The following ZC3HC1 variants were observed in gnomAD, a reference collection of about 807,000 sequenced individuals.
ZC3HC1 encodes zinc finger C3HC-type containing 1.
In ZC3HC1, 38 loss-of-function variants were observed where a neutral mutation model predicts 61.9. The observed-to-expected ratio is 0.61, with a 90% confidence interval of 0.47 to 0.81. The LOEUF (loss-of-function observed/expected upper bound fraction) is 0.81. ZC3HC1 is among the 30% of genes least tolerant of loss of function. The pLI, the probability that ZC3HC1 is intolerant of heterozygous loss-of-function variation, is 0.00. For missense variants in ZC3HC1, 554 were observed against 622.7 expected, an observed-to-expected ratio of 0.89 and a Z score of 1.17; for synonymous variants, 213 against 229.9, an observed-to-expected ratio of 0.93 and a Z score of 0.67.
intron 2 of ZC3HC1, among the ~76,000 whole-genome samples, chr7:130,046,717 G>A (rs541268137): frequency 6.6e-6 from 1 of 152,242 alleles, no homozygotes; most frequent in Admixed American, 6.5e-5. Context: ...ATGACATAAC[G>A]TTTAATGTCT....
intron 9 of ZC3HC1, among the ~76,000 whole-genome samples, chr7:130,019,102 G>A (rs10277907): frequency 0.23 from 33,590 of 147,380 alleles, 3,967 homozygotes; most frequent in Non-Finnish European, 0.25. Context: ...CACCCAGGCT[G>A]GAGTGCAGTG....
Position 130,024,464 on chromosome 7 carries a change from C to G in ZC3HC1, c.819G>C (p.Ser273=). Reference sequence around the variant, plus strand: ...AGAGCCCCACCTTCCTCATACATTGCGAACATGTTATCAGGGAGAGCTGCA... The same window carrying G: ...AGAGCCCCACCTTCCTCATACATTGGGAACATGTTATCAGGGAGAGCTGCA... ...ESMQLSLITC[S]QCMRKVGLWG... Residue 273 remains serine (S), a synonymous_variant, in exon 7 of 10, where the codon TCG becomes TCC. Coordinates refer to ENST00000358303, the MANE Select transcript of ZC3HC1 (RefSeq NM_016478.5). 1 of 1,613,830 alleles carries G rather than the reference C, an allele frequency of 6.2e-7. No homozygotes were observed. The highest frequency in any genetic ancestry group is 8.5e-7 in the Non-Finnish European group (1 of 1,179,874).
intron 4 of ZC3HC1, among the ~76,000 whole-genome samples, chr7:130,038,859 CA>C (rs368582060): frequency 0.056 from 4,850 of 86,522 alleles, 102 homozygotes; most frequent in African/African-American, 0.15. Context: ...GGCTCTGTCT[CA>C]AAAAAAAAAA....
chr7:130,047,257 G>A (rs867089004), intron 2 of ZC3HC1, among the ~76,000 whole-genome samples: 2 of 151,984 alleles, frequency 1.3e-5, no homozygotes, highest in African/African-American at 2.4e-5. Context: ...CACCACGCCC[G>A]GCCTAATTTT....
chr7:130,039,711 A>G, intron 3 of ZC3HC1, 164 bp from the exon 4 acceptor site: 2 of 530,222 alleles, frequency 3.8e-6, no homozygotes, highest in Non-Finnish European at 6.6e-6. Flanking sequence ...CAGGTTTTAA[A>G]TTGAGATCCT....
Position 130,022,403 on chromosome 7 carries a change from G to C in ZC3HC1, c.1356C>G (p.Ala452=). ...ENGGTEPDAS[A]PAEPGWKAVL... ...CTGCTTTCCAGCCTGGCTCTGCTGG[G>C]GCGCTGGCATCTGGTTCAGTTCCAC... The change falls in exon 9 of 10, where the codon GCC becomes GCG. Residue 452 remains alanine (A), a synonymous_variant. Coordinates refer to ENST00000358303, the MANE Select transcript of ZC3HC1 (RefSeq NM_016478.5). The C allele has an allele frequency of 6.2e-7, 1 of 1,613,390 alleles. No homozygotes were observed.
Position 130,051,343 on chromosome 7 carries a change from T to G in ZC3HC1, c.24A>C (p.Gln8His). 6.2e-7 allele frequency: 1 copy of G among 1,613,254 alleles called. No individual in the cohort carries two copies. The highest frequency in any genetic ancestry group is 8.5e-7 in the Non-Finnish European group (1 of 1,179,564). ...TCTTTTCAACCCCTACGGCAAACGC[T>G]TGTCCCTCACAGGGCGCCGCCATCT... MAAPCEG[Q>H]AFAVGVEKNW... The change falls in exon 1 of 10, where the codon CAA (glutamine) becomes CAC (histidine). Residue 8 changes from glutamine (Q) to histidine (H), a missense_variant. Transcript: ENST00000358303.
At chr7:130,041,947 A>G (rs1435274382) in intron 2 of ZC3HC1, among the ~76,000 whole-genome samples, 1 of 152,210 alleles carries the variant, frequency 6.6e-6, no homozygotes, top group South Asian at 2.1e-4. Flanking sequence ...CATTTAAGTA[A>G]TAAGTGGAGG....
chr7:130,042,132 A>T (rs1464208714), intron 2 of ZC3HC1, among the ~76,000 whole-genome samples: 3 of 151,806 alleles, frequency 2.0e-5, no homozygotes, highest in Non-Finnish European at 4.4e-5. Flanking sequence ...GCGACACCTC[A>T]TCTCTATTGA....
chr7:130,021,603 C>G (rs868621696), intron 9 of ZC3HC1, among the ~76,000 whole-genome samples: 1 of 152,202 alleles, frequency 6.6e-6, no homozygotes, highest in Non-Finnish European at 1.5e-5. Flanking sequence ...AGGCCATCAT[C>G]TTGGTGTCAG....
At position 130,041,215 on chromosome 7, in the gene ZC3HC1, TCTCA is replaced by T. The variant is rs1031905974; in HGVS notation, c.259-118_259-115del. On this transcript the variant is annotated intron_variant, in intron 2 of 9. Transcript: ENST00000358303. ...TTTTTTTTTTGTTTTTGAGAAAAGT[TCTCA>T]CTCTGTCTCCCAGGCTGGAGTGCAG... 6 of 1,190,446 alleles carry T rather than the reference TCTCA, an allele frequency of 5.0e-6. No individual in the cohort carries two copies. In the African/African-American group the frequency reaches 7.8e-5, roughly 16 times the overall value. The allele number at this position is 1,190,446 out of a possible 1,614,324, so 73.7% of individuals were successfully genotyped here. A position where few individuals can be genotyped will look rare whatever the true frequency, so the allele number is the denominator to read the frequency against.
At chr7:130,021,507 C>G (rs1231827269) in intron 9 of ZC3HC1, among the ~76,000 whole-genome samples, 1 of 152,106 alleles carries the variant, frequency 6.6e-6, no homozygotes, top group Non-Finnish European at 1.5e-5. Context: ...CATTTGTAAC[C>G]CACAGCAGTT....
At chr7:130,048,901 C>T in intron 2 of ZC3HC1, 132 bp downstream of exon 2, 1 of 600,484 alleles carries the variant, frequency 1.7e-6, no homozygotes, top group Middle Eastern at 4.6e-4. Flanking sequence ...TATTAGGATG[C>T]TGACTTTCCT....
intron 4 of ZC3HC1, 57 bp from the exon 5 acceptor site, chr7:130,029,086 C>T (rs1244219958): frequency 6.5e-7 from 1 of 1,539,152 alleles, no homozygotes; most frequent in African/African-American, 1.4e-5. Flanking sequence ...AAATAAAAAA[C>T]ACGGCTGGGC....
intron 3 of ZC3HC1, among the ~76,000 whole-genome samples, chr7:130,040,707 G>A (rs1194834131): frequency 6.6e-6 from 1 of 151,452 alleles, no homozygotes; most frequent in African/African-American, 2.4e-5. Flanking sequence ...TACTTGGGAG[G>A]CTGAGGAAGG....
intron 5 of ZC3HC1, among the ~76,000 whole-genome samples, chr7:130,028,266 G>C (rs1794015040): frequency 6.6e-6 from 1 of 151,284 alleles, no homozygotes; most frequent in Non-Finnish European, 1.5e-5. Context: ...AGTAGGCTGG[G>C]TGTGCCGGCT....
rs141754899 is a variant in ZC3HC1, at chr7:130,030,479, C to T, written c.494-1450G>A. On this transcript the variant is annotated intron_variant, in intron 4 of 9. Transcript: ENST00000358303. ...CCTCCCAAAGTGCTGAGATTACAGG[C>T]GTAAGTCACCACGCCCAGCCCTGAA... is the stretch of plus-strand genomic sequence containing the variant. Among the ~76,000 whole-genome samples the T allele has an allele frequency of 7.2e-3, 1,102 of 152,046 alleles. 13 individuals carry two copies. The highest frequency in any genetic ancestry group is 0.025 in the African/African-American group (1,050 of 41,484).
intron 4 of ZC3HC1, among the ~76,000 whole-genome samples, chr7:130,031,136 C>G (rs538277045): frequency 6.6e-6 from 1 of 151,642 alleles, no homozygotes; most frequent in East Asian, 2.0e-4. Context: ...TTGAGACCAG[C>G]CTGACCAGCA....
Position 130,026,159 on chromosome 7 carries a change from T to G in ZC3HC1, c.775A>C (p.Ser259Arg). 6.2e-7 allele frequency: 1 copy of G among 1,612,774 alleles called. No individual in the cohort carries two copies. Among genetic ancestry groups the G allele is most frequent in the African/African-American group, 1.3e-5 (1 of 75,044 alleles). ...CILSVCGWAC[S>R]SSLESMQLSL... ...TCCAGGCAAAATCTGCTGACTCACC[T>G]ACACGCCCAGCCACACACAGAGAGA... Residue 259 changes from serine (S) to arginine (R), a missense_variant and splice_region_variant, in exon 6 of 10, where the codon AGT becomes CGT. Transcript: ENST00000358303.
Sources: allele counts gnomAD v4.1 joint callset (sites outside exome capture counted in the v4.1 genomes callset), GRCh38; gene constraint gnomAD v4.1.1; transcripts MANE v1.5; gene names NCBI Gene and HGNC (gene_info 2026-07-23, HGNC 2026-07-21).